Variants in ASTN2 observed in about 807,000 individuals in gnomAD.
ASTN2 encodes the protein astrotactin 2, also known as astrotactin-2.
A neutral mutation model predicts 139.8 loss-of-function variants in ASTN2; 54 were observed. The ratio of observed to expected loss-of-function variants is 0.39; its 90% CI spans 0.31 to 0.48. The LOEUF (loss-of-function observed/expected upper bound fraction) is 0.48, where lower values mean the gene tolerates loss of function less well. Ranked by LOEUF, ASTN2 falls within the 20% of genes least tolerant of loss-of-function variation. The pLI is 0.95. For synonymous variants in ASTN2, 756 were observed against 719.5 expected (o/e 1.05, Z -0.81); for missense variants, 1,565 against 1,725.1 (o/e 0.91, Z 1.64).
chr9:116,530,606 T>G (rs971858067), intron 19 of ASTN2, among the ~76,000 whole-genome samples: 1 of 152,180 alleles, frequency 6.6e-6, no homozygotes, highest in African/African-American at 2.4e-5. Flanking sequence ...ATATAATTTC[T>G]ACTTATCAGA....
At chr9:117,092,737 T>C (rs958760868) in intron 5 of ASTN2, among the ~76,000 whole-genome samples, 4 of 152,194 alleles carry the variant, frequency 2.6e-5, no homozygotes, top group African/African-American at 7.2e-5. Context: ...TCATCTCTTC[T>C]GTGTCACCGC....
At chr9:116,560,332 G>A (rs1276850917) in intron 19 of ASTN2, among the ~76,000 whole-genome samples, 3 of 152,102 alleles carry the variant, frequency 2.0e-5, no homozygotes, top group Non-Finnish European at 4.4e-5. Context: ...TGGTAACTGC[G>A]GAGGCAGTGA....
intron 5 of ASTN2, among the ~76,000 whole-genome samples, chr9:117,066,630 C>T (rs1827955474): frequency 6.6e-6 from 1 of 151,684 alleles, no homozygotes; most frequent in East Asian, 2.0e-4. Context: ...TTTACAGTAC[C>T]ACCAACAGTA....
At chr9:117,314,667 TATG>T (rs1474026439) in intron 1 of ASTN2, among the ~76,000 whole-genome samples, 5 of 146,076 alleles carry the variant, frequency 3.4e-5, no homozygotes, top group East Asian at 3.9e-4. Flanking sequence ...TATAATTATA[TATG>T]ATATGTTTTT....
At chr9:116,831,360 A>AAAATAT (rs2132285701) in intron 11 of ASTN2, among the ~76,000 whole-genome samples, 1 of 152,276 alleles carries the variant, frequency 6.6e-6, no homozygotes, top group Non-Finnish European at 1.5e-5. Context: ...TATAAAAATA[A>AAAATAT]AAATATAAAT....
chr9:116,719,078 T>G (rs937941650), intron 16 of ASTN2, among the ~76,000 whole-genome samples: 2 of 150,592 alleles, frequency 1.3e-5, no homozygotes, highest in African/African-American at 4.9e-5. Flanking sequence ...TCCTCAGGGC[T>G]GCCGTGTGGT....
chr9:116,857,322 G>A (rs1050570441), intron 11 of ASTN2, among the ~76,000 whole-genome samples: 6 of 152,132 alleles, frequency 3.9e-5, no homozygotes, highest in Admixed American at 2.0e-4. Flanking sequence ...TCTCTCGTAT[G>A]ACCACTCTTT....
intron 3 of ASTN2, among the ~76,000 whole-genome samples, chr9:117,170,433 G>T (rs991225777): frequency 1.3e-5 from 2 of 152,118 alleles, no homozygotes; most frequent in African/African-American, 2.4e-5. Flanking sequence ...AGGCACTAGG[G>T]ATTCAATGAA....
chr9:117,157,663 C>T (rs1394491283), intron 3 of ASTN2, among the ~76,000 whole-genome samples: 2 of 151,886 alleles, frequency 1.3e-5, no homozygotes, highest in Non-Finnish European at 2.9e-5. Flanking sequence ...TCTTAGGTGG[C>T]ATACATAAAG....
chr9:117,004,602 A>C (rs563202882), intron 7 of ASTN2, among the ~76,000 whole-genome samples: 103 of 152,270 alleles, frequency 6.8e-4, no homozygotes, highest in African/African-American at 2.4e-3. Context: ...GAAATCCTCA[A>C]ATAGAGGGAG....
chr9:116,882,923 C>T (rs956221145), intron 10 of ASTN2, among the ~76,000 whole-genome samples: 8 of 152,086 alleles, frequency 5.3e-5, no homozygotes, highest in South Asian at 2.1e-4. Context: ...TAGTGAAATG[C>T]TATTTTCGTA....
At chr9:116,519,307 T>G (rs1850773615) in intron 19 of ASTN2, among the ~76,000 whole-genome samples, 1 of 151,892 alleles carries the variant, frequency 6.6e-6, no homozygotes. Flanking sequence ...TATCAAGTAC[T>G]CTGTCAGACC....
intron 17 of ASTN2, among the ~76,000 whole-genome samples, chr9:116,633,228 C>T (rs1201368123): frequency 3.9e-5 from 6 of 152,186 alleles, no homozygotes; most frequent in Non-Finnish European, 8.8e-5. Flanking sequence ...ATATCAGTAG[C>T]CTCATCCATC....
In ASTN2 at chr9:117,295,473, G is replaced by A. The variant is rs75137927; in HGVS notation, c.443-3960C>T. Reference sequence around the variant, plus strand: ...TTCCTGCCATCTCTCACGCACTTTGGAAAGTGCTTGGCACATAATACATGC... The same window carrying A: ...TTCCTGCCATCTCTCACGCACTTTGAAAAGTGCTTGGCACATAATACATGC... On this transcript the variant is annotated intron_variant, in intron 1 of 22. Coordinates refer to ENST00000313400, the MANE Select transcript of ASTN2 (RefSeq NM_001365068.1). Among the ~76,000 whole-genome samples the A allele has an allele frequency of 7.0e-3, 1,066 of 152,168 alleles. 16 individuals are homozygous for A. The highest frequency in any genetic ancestry group is 0.025 in the African/African-American group (1,018 of 41,508).
chr9:117,233,892 T>G lies in ASTN2; in HGVS notation c.631-19150A>C, dbSNP rs1266639964. ...CTGTTTCTGTGTCTCTTGTCTCTCA[T>G]AAAAAATATATAGGTTAATTCATGC... On this transcript the variant is annotated intron_variant, in intron 2 of 22. Transcript: ENST00000313400. Among the ~76,000 whole-genome samples, 4 of 152,290 alleles carry G rather than the reference T, an allele frequency of 2.6e-5. No homozygotes were observed. In the South Asian group the frequency reaches 6.2e-4, roughly 24 times the overall value.
At chr9:116,439,468 GGGA>G (rs1847775694) in intron 22 of ASTN2, among the ~76,000 whole-genome samples, 18 of 139,732 alleles carry the variant, frequency 1.3e-4, no homozygotes, top group African/African-American at 5.1e-4. Flanking sequence ...CCAAAGTGCT[GGGA>G]TTACAGGCGT....
At chr9:117,257,466 G>C (rs1180962545) in intron 2 of ASTN2, among the ~76,000 whole-genome samples, 1 of 152,246 alleles carries the variant, frequency 6.6e-6, no homozygotes, top group Non-Finnish European at 1.5e-5. Flanking sequence ...AGATTGCCCT[G>C]TGAAGTGGTG....
intron 12 of ASTN2, among the ~76,000 whole-genome samples, chr9:116,808,826 C>T (rs772142897): frequency 6.6e-6 from 1 of 152,144 alleles, no homozygotes; most frequent in Non-Finnish European, 1.5e-5. Flanking sequence ...CTTTCATGTT[C>T]ATTACTGCCA....
At chr9:116,586,284 T>C (rs1854140144) in intron 19 of ASTN2, 1 of 152,224 alleles carries the variant, frequency 6.6e-6, no homozygotes. Context: ...AGCAATCCCA[T>C]TACTGGGTAT....
Sources: gnomAD v4.1 joint callset for allele counts (sites outside exome capture counted in the v4.1 genomes callset) on GRCh38, gnomAD v4.1.1 for gene constraint, MANE v1.5 for transcripts, NCBI Gene and HGNC (gene_info 2026-07-23, HGNC 2026-07-21) for gene names.